The following ABCB1 variants were observed in gnomAD, a reference collection of about 807,000 sequenced individuals.
ABCB1 encodes the protein ATP-dependent translocase ABCB1.
In ABCB1, 69 loss-of-function variants were observed where a neutral mutation model predicts 142.0. The ratio of observed to expected loss-of-function variants is 0.49; its 90% CI spans 0.40 to 0.59. The LOEUF (loss-of-function observed/expected upper bound fraction) is 0.59. Ranked by LOEUF, ABCB1 falls within the 20% of genes least tolerant of loss-of-function variation. The pLI is 0.00. For missense variants in ABCB1, 1,326 were observed against 1,554.7 expected, an observed-to-expected ratio of 0.85 and a Z score of 2.47; for synonymous variants, 532 against 539.2, an observed-to-expected ratio of 0.99 and a Z score of 0.18.
At chr7:87,650,751 C>T in intron 1 of ABCB1, 2 of 861,882 alleles carry the variant, frequency 2.3e-6, no homozygotes, top group South Asian at 2.8e-5. Flanking sequence ...AAATTGCCTT[C>T]CTCCCATTTT....
At chr7:87,571,577 G>GA (rs1334197428) in intron 4 of ABCB1, among the ~76,000 whole-genome samples, 1 of 152,160 alleles carries the variant, frequency 6.6e-6, no homozygotes, top group Non-Finnish European at 1.5e-5. Flanking sequence ...TATAAGTAGA[G>GA]AGAGTAAAAA....
chr7:87,582,542 G>A (rs1160067970), intron 4 of ABCB1, among the ~76,000 whole-genome samples: 3 of 152,182 alleles, frequency 2.0e-5, no homozygotes. Flanking sequence ...TGGATTGACT[G>A]AAGATAACAA....
At chr7:87,644,485 T>C (rs1214410706) in intron 1 of ABCB1, among the ~76,000 whole-genome samples, 2 of 152,218 alleles carry the variant, frequency 1.3e-5, no homozygotes, top group Non-Finnish European at 2.9e-5. Flanking sequence ...TTTGGATACT[T>C]ACGTTCTATT....
intron 4 of ABCB1, among the ~76,000 whole-genome samples, chr7:87,576,990 C>A (rs1401698573): frequency 1.3e-5 from 2 of 152,102 alleles, no homozygotes; most frequent in African/African-American, 2.4e-5. Context: ...GTTGTGTGAT[C>A]AAATACTAGA....
At chr7:87,659,410 A>C (rs185694572) in intron 1 of ABCB1, among the ~76,000 whole-genome samples, 2 of 152,066 alleles carry the variant, frequency 1.3e-5, no homozygotes, top group African/African-American at 4.8e-5. Flanking sequence ...TTGCAGTATT[A>C]TATTATACCA....
intron 25 of ABCB1, among the ~76,000 whole-genome samples, chr7:87,513,398 T>C (rs1308324980): frequency 1.3e-5 from 2 of 152,224 alleles, no homozygotes; most frequent in African/African-American, 2.4e-5. Flanking sequence ...TGTGTTTATA[T>C]ACTTGCAGAA....
chr7:87,711,285 C>T (rs1583961796), intron 1 of ABCB1, among the ~76,000 whole-genome samples: 1 of 147,944 alleles, frequency 6.8e-6, no homozygotes. Context: ...GAGATTGAGC[C>T]ATTGCACCGC....
intron 8 of ABCB1, 55 bp from the exon 9 acceptor site, chr7:87,553,987 T>C: frequency 1.3e-6 from 2 of 1,507,126 alleles, no homozygotes; most frequent in South Asian, 1.1e-5. Flanking sequence ...CATGTCGATA[T>C]AGCATGATAG....
At chr7:87,595,410 C>A (rs1455590717) in intron 3 of ABCB1, among the ~76,000 whole-genome samples, 1 of 152,058 alleles carries the variant, frequency 6.6e-6, no homozygotes, top group Admixed American at 6.6e-5. Context: ...TTGATAGCAA[C>A]TGACTTTGAC....
At chr7:87,565,375 C>A in intron 7 of ABCB1, 1 of 412,618 alleles carries the variant, frequency 2.4e-6, no homozygotes, top group Non-Finnish European at 4.8e-6. Context: ...AAAATTAACA[C>A]CATGTTCACC....
At chr7:87,653,461 T>C (rs771892572) in intron 1 of ABCB1, among the ~76,000 whole-genome samples, 1 of 152,116 alleles carries the variant, frequency 6.6e-6, no homozygotes, top group Non-Finnish European at 1.5e-5. Flanking sequence ...TACTGTTTTC[T>C]AGCCTCTTTC....
chr7:87,671,984 T>G (rs918823394), intron 1 of ABCB1, among the ~76,000 whole-genome samples: 23 of 152,182 alleles, frequency 1.5e-4, no homozygotes, highest in Admixed American at 1.1e-3. Context: ...GGGACCCACT[T>G]AAGCAGTTTG....
chr7:87,603,293 T>C (rs1433411164), upstream of ABCB1, among the ~76,000 whole-genome samples: 1 of 152,250 alleles, frequency 6.6e-6, no homozygotes. Context: ...GTTACTCCCA[T>C]ATTACAATAA....
chr7:87,605,013 A>C (rs529779928), upstream of ABCB1, among the ~76,000 whole-genome samples: 6 of 152,314 alleles, frequency 3.9e-5, no homozygotes, highest in African/African-American at 1.4e-4. Flanking sequence ...GTTTGTAGAA[A>C]ATATTAGGTG....
At chr7:87,638,341 G>A (rs533393887) in intron 1 of ABCB1, among the ~76,000 whole-genome samples, 111 of 109,252 alleles carry the variant, frequency 1.0e-3, no homozygotes, top group Non-Finnish European at 1.4e-3. Flanking sequence ...TAGGAAGTAT[G>A]TGTTTGTGTG....
At chr7:87,624,505 G>A (rs1042440128) in intron 1 of ABCB1, among the ~76,000 whole-genome samples, 2 of 152,126 alleles carry the variant, frequency 1.3e-5, no homozygotes, top group African/African-American at 4.8e-5. Context: ...TTGGGAAAAC[G>A]GTGAATGGGT....
intron 1 of ABCB1, among the ~76,000 whole-genome samples, chr7:87,633,526 T>C (rs1821434613): frequency 6.6e-6 from 1 of 152,234 alleles, no homozygotes; most frequent in African/African-American, 2.4e-5. Flanking sequence ...CATCCTTCTG[T>C]TTCTTCCTAC....
chr7:87,562,690 A>G (rs905141301), intron 7 of ABCB1, among the ~76,000 whole-genome samples: 9 of 151,456 alleles, frequency 5.9e-5, no homozygotes, highest in Admixed American at 5.9e-4. Context: ...ACCTTCCATC[A>G]TTATAAGCAG....
intron 1 of ABCB1, among the ~76,000 whole-genome samples, chr7:87,660,470 C>G (rs982929462): frequency 6.6e-6 from 1 of 152,044 alleles, no homozygotes; most frequent in African/African-American, 2.4e-5. Context: ...AATTAAAGCT[C>G]TCTAAAGAGA....
Sources: allele counts gnomAD v4.1 joint callset (sites outside exome capture counted in the v4.1 genomes callset), GRCh38; gene constraint gnomAD v4.1.1; transcripts MANE v1.5; gene names NCBI Gene and HGNC (gene_info 2026-07-23, HGNC 2026-07-21).